Variants in TRHDE observed in about 807,000 individuals in gnomAD.
TRHDE encodes thyrotropin releasing hormone degrading enzyme, also known as thyrotropin-releasing hormone-degrading ectoenzyme.
A neutral mutation model predicts 125.7 loss-of-function variants in TRHDE; 72 were observed. That is an observed-to-expected ratio of 0.57 (90% CI 0.47 to 0.70). The LOEUF (loss-of-function observed/expected upper bound fraction) is 0.70, where lower values mean the gene tolerates loss of function less well. Ranked by LOEUF, TRHDE falls within the 30% of genes least tolerant of loss-of-function variation. TRHDE has a pLI of 0.00. For missense variants in TRHDE, 1,110 were observed against 1,327.1 expected, an observed-to-expected ratio of 0.84 and a Z score of 2.54; for synonymous variants, 509 against 509.1, an observed-to-expected ratio of 1.00 and a Z score of 0.00.
intron 3 of TRHDE, among the ~76,000 whole-genome samples, chr12:72,392,961 A>G (rs1009274512): frequency 6.6e-6 from 1 of 152,246 alleles, no homozygotes; most frequent in African/African-American, 2.4e-5. Context: ...ACCATATACT[A>G]TATATACTAT....
At chr12:72,396,364 T>C (rs1396875026) in intron 3 of TRHDE, among the ~76,000 whole-genome samples, 1 of 152,198 alleles carries the variant, frequency 6.6e-6, no homozygotes, top group Non-Finnish European at 1.5e-5. Flanking sequence ...GCCTGGGCTC[T>C]AAGTTTGCTG....
intron 2 of TRHDE, among the ~76,000 whole-genome samples, chr12:72,330,104 T>C (rs1869518158): frequency 6.6e-6 from 1 of 152,152 alleles, no homozygotes; most frequent in Non-Finnish European, 1.5e-5. Flanking sequence ...CATTTCTTGC[T>C]TGCTAACTTA....
intron 16 of TRHDE, 59 bp from the exon 17 acceptor site, chr12:72,652,957 G>A (rs938633305): frequency 3.5e-6 from 5 of 1,435,332 alleles, no homozygotes; most frequent in Non-Finnish European, 4.8e-6. Context: ...ATTTTAGTAA[G>A]ATTATAAAAA....
At chr12:72,216,380 G>A (rs1359991737) in intron 2 of TRHDE, among the ~76,000 whole-genome samples, 1 of 152,112 alleles carries the variant, frequency 6.6e-6, no homozygotes, top group African/African-American at 2.4e-5. Flanking sequence ...CATTTTACAT[G>A]TATACTATTT....
intron 2 of TRHDE, among the ~76,000 whole-genome samples, chr12:72,339,396 C>T (rs1273927136): frequency 6.6e-6 from 1 of 152,082 alleles, no homozygotes; most frequent in Non-Finnish European, 1.5e-5. Context: ...CTTTCTATAC[C>T]TATGCCTTAA....
intron 2 of TRHDE, among the ~76,000 whole-genome samples, chr12:72,191,283 C>T (rs970788897): frequency 6.6e-6 from 1 of 152,116 alleles, no homozygotes; most frequent in East Asian, 1.9e-4. Context: ...ATCCTACAGC[C>T]AGCTTCTTCT....
intron 1 of TRHDE, among the ~76,000 whole-genome samples, chr12:72,281,155 C>T (rs1006923113): frequency 5.9e-5 from 9 of 152,042 alleles, no homozygotes; most frequent in African/African-American, 1.9e-4. Flanking sequence ...GGCATTATTG[C>T]CTTATGTTTT....
intron 15 of TRHDE, among the ~76,000 whole-genome samples, chr12:72,634,221 T>C (rs983070966): frequency 5.9e-5 from 9 of 152,216 alleles, no homozygotes; most frequent in Admixed American, 5.9e-4. Context: ...TTAGGTTCTA[T>C]TCACAGTGGC....
intron 3 of TRHDE, among the ~76,000 whole-genome samples, chr12:72,463,119 C>A (rs114649574): frequency 2.2e-3 from 340 of 152,310 alleles, no homozygotes; most frequent in African/African-American, 7.6e-3. Context: ...ACCAGTGCTG[C>A]TTTTCAGGAA....
chr12:72,451,656 CT>C (rs575423755), intron 3 of TRHDE, among the ~76,000 whole-genome samples: 9 of 151,620 alleles, frequency 5.9e-5, no homozygotes, highest in Admixed American at 6.6e-5. Context: ...ATTTTAGGCA[CT>C]TTTTTTTCCT....
intron 10 of TRHDE, among the ~76,000 whole-genome samples, chr12:72,570,727 G>T (rs1158929713): frequency 6.6e-6 from 1 of 151,388 alleles, no homozygotes; most frequent in Non-Finnish European, 1.5e-5. Context: ...CCATATGTTT[G>T]CCTAAAATAT....
chr12:72,159,081 C>T (rs762177892), intron 2 of TRHDE, among the ~76,000 whole-genome samples: 1 of 152,152 alleles, frequency 6.6e-6, no homozygotes, highest in Non-Finnish European at 1.5e-5. Flanking sequence ...ATTTTAATTA[C>T]AGTAACTTTA....
chr12:72,429,319 C>A (rs554485185), intron 3 of TRHDE, among the ~76,000 whole-genome samples: 1 of 146,378 alleles, frequency 6.8e-6, no homozygotes, highest in East Asian at 2.0e-4. Flanking sequence ...GTTCTGCACA[C>A]GTAACCCAGA....
At chr12:72,254,111 AG>A (rs748917332) in intron 2 of TRHDE, 4 of 152,284 alleles carry the variant, frequency 2.6e-5, no homozygotes. Context: ...ACTATTTTCT[AG>A]GATTCACTGT....
Position 72,287,076 on chromosome 12 carries a change from T to G in TRHDE, c.1188+122T>G, listed in dbSNP as rs1406331449. 9.6e-6 allele frequency: 10 copies of G among 1,046,442 alleles called. No homozygotes were observed. In the Admixed American group the frequency reaches 1.8e-4, roughly 18 times the overall value. The allele number at this position is 1,046,442 out of a possible 1,614,324, so 64.8% of individuals were successfully genotyped here. A position where few individuals can be genotyped will look rare whatever the true frequency, so the allele number is the denominator to read the frequency against. ...CACCTTATATAGTGGAATTCTTTCT[T>G]TAATTCTTATGGGGGGGTTTTTACA... is the stretch of plus-strand genomic sequence containing the variant. On this transcript the variant is annotated intron_variant, in intron 2 of 18. Coordinates refer to ENST00000261180, the MANE Select transcript of TRHDE (RefSeq NM_013381.3).
At chr12:72,164,721 T>C (rs1265759404) in intron 2 of TRHDE, among the ~76,000 whole-genome samples, 1 of 152,170 alleles carries the variant, frequency 6.6e-6, no homozygotes, top group Non-Finnish European at 1.5e-5. Flanking sequence ...GTAGTTTGTA[T>C]AGCATTTTCA....
chr12:72,292,698 G>A (rs887738675), intron 2 of TRHDE, among the ~76,000 whole-genome samples: 6 of 152,126 alleles, frequency 3.9e-5, no homozygotes, highest in Middle Eastern at 3.2e-3. Context: ...AAGCCCCAGA[G>A]GCTTCTGCTA....
At chr12:72,476,880 C>T (rs1013508098) in intron 5 of TRHDE, among the ~76,000 whole-genome samples, 2 of 152,062 alleles carry the variant, frequency 1.3e-5, no homozygotes, top group Non-Finnish European at 2.9e-5. Context: ...GAGCCAGTTT[C>T]TGATATAGAA....
At chr12:72,437,787 C>A (rs1368231237) in intron 3 of TRHDE, among the ~76,000 whole-genome samples, 2 of 151,592 alleles carry the variant, frequency 1.3e-5, no homozygotes, top group Non-Finnish European at 3.0e-5. Flanking sequence ...ATGGTGCGAA[C>A]ACTTTATATT....
Sources: allele counts gnomAD v4.1 joint callset (sites outside exome capture counted in the v4.1 genomes callset), GRCh38; gene constraint gnomAD v4.1.1; transcripts MANE v1.5; gene names NCBI Gene and HGNC (gene_info 2026-07-23, HGNC 2026-07-21).